Variants in LRRC8C observed in about 807,000 individuals in gnomAD.
LRRC8C encodes volume-regulated anion channel subunit LRRC8C.
LRRC8C carries 20 observed loss-of-function variants against 55.3 expected under a neutral mutation model. The ratio of observed to expected loss-of-function variants is 0.36; its 90% confidence interval spans 0.25 to 0.53. The LOEUF (loss-of-function observed/expected upper bound fraction) is 0.53. Among genes scored for constraint, LRRC8C ranks in the 20% least tolerant of loss-of-function variants. LRRC8C has a pLI of 0.92. For missense variants in LRRC8C, 659 were observed against 951.4 expected, an observed-to-expected ratio of 0.69 and a Z score of 4.04; for synonymous variants, 376 against 360.7, an observed-to-expected ratio of 1.04 and a Z score of -0.48.
intron 2 of LRRC8C, among the ~76,000 whole-genome samples, chr1:89,701,679 C>CATAA (rs1365923763): frequency 6.6e-6 from 1 of 152,028 alleles, no homozygotes; most frequent in African/African-American, 2.4e-5. Flanking sequence ...TTTGTCTCGA[C>CATAA]TAATTTTTGT....
At chr1:89,654,861 C>T (rs1216341652) in intron 1 of LRRC8C, among the ~76,000 whole-genome samples, 1 of 142,936 alleles carries the variant, frequency 7.0e-6, no homozygotes, top group Non-Finnish European at 1.5e-5. Context: ...TGTGTGCTAG[C>T]ACTTTAGTAA....
At chr1:89,676,507 C>T (rs1406910742) in intron 1 of LRRC8C, 1 of 152,142 alleles carries the variant, frequency 6.6e-6, no homozygotes, top group Non-Finnish European at 1.5e-5. Context: ...ATTGCAATGT[C>T]AGGGTCTATC....
chr1:89,628,688 G>A (rs976269663), upstream of LRRC8C, among the ~76,000 whole-genome samples: 6 of 152,208 alleles, frequency 3.9e-5, no homozygotes, highest in Admixed American at 1.3e-4. Flanking sequence ...TTGGCCTTTC[G>A]ATATAACATT....
chr1:89,708,735 C>CGAA (rs1658560525), intron 2 of LRRC8C: 1 of 152,162 alleles, frequency 6.6e-6, no homozygotes, highest in African/African-American at 2.4e-5. Flanking sequence ...GGGTAACTTC[C>CGAA]TCTCTCTTAT....
intron 1 of LRRC8C, among the ~76,000 whole-genome samples, chr1:89,651,357 A>G (rs1275808937): frequency 6.6e-6 from 1 of 152,160 alleles, no homozygotes; most frequent in Admixed American, 6.5e-5. Context: ...TCACGAGGTC[A>G]GGAGATCGAG....
At chr1:89,629,572 C>G (rs1164525768), upstream of LRRC8C, among the ~76,000 whole-genome samples, 1 of 152,086 alleles carries the variant, frequency 6.6e-6, no homozygotes, top group Non-Finnish European at 1.5e-5. Flanking sequence ...GGTTTTAGAG[C>G]CTGTAGTATA....
At chr1:89,654,874 C>CTTTTTTT (rs3068067) in intron 1 of LRRC8C, among the ~76,000 whole-genome samples, 2 of 129,342 alleles carry the variant, frequency 1.5e-5, no homozygotes, top group South Asian at 2.4e-4. Flanking sequence ...TTTAGTAAGC[C>CTTTTTTT]TTTTTTTTTT....
chr1:89,673,260 C>T (rs1319512939), intron 1 of LRRC8C, among the ~76,000 whole-genome samples: 1 of 152,188 alleles, frequency 6.6e-6, no homozygotes, highest in African/African-American at 2.4e-5. Context: ...CACCCGCAAT[C>T]CGCCTTTTTA....
chr1:89,627,169 G>A, the LRRC8C span, among the ~76,000 whole-genome samples: 13 of 151,790 alleles, frequency 8.6e-5, no homozygotes, highest in Non-Finnish European at 1.8e-4. Flanking sequence ...AGGAACTAAA[G>A]ACAAAACCCA....
Position 89,714,597 on chromosome 1 carries a change from C to G in LRRC8C, c.2027C>G (p.Pro676Arg). 6.2e-7 allele frequency: 1 copy of G among 1,614,024 alleles called. No individual in the cohort carries two copies. The highest frequency in any genetic ancestry group is 8.5e-7 in the Non-Finnish European group (1 of 1,179,930). The change falls in exon 3 of 3, where the codon CCT becomes CGT. Residue 676 changes from proline to arginine, a missense_variant. Around this residue, in one of 5 missense-constraint regions of LRRC8C, gnomAD observed 344 missense variants for 464.6 expected, o/e 0.74. Coordinates refer to ENST00000370454, the MANE Select transcript of LRRC8C (RefSeq NM_032270.5). The surrounding 1 kb of genome is among the most constrained non-coding windows in gnomAD (Gnocchi z 4.6). ...SFSHNKIEVL[P>R]SHLFLCNKIR... is the part of the protein sequence containing the mutation. ...AGTCACAATAAAATAGAGGTGCTGC[C>G]TTCCCACCTCTTCCTATGCAACAAG... is the stretch of plus-strand genomic sequence containing the variant.
At chr1:89,700,578 T>C (rs1658290930) in intron 2 of LRRC8C, among the ~76,000 whole-genome samples, 1 of 152,236 alleles carries the variant, frequency 6.6e-6, no homozygotes. Context: ...GATAGCCTGC[T>C]CTTATCTCTG....
chr1:89,689,077 T>G (rs980896487), intron 2 of LRRC8C, among the ~76,000 whole-genome samples: 5 of 152,094 alleles, frequency 3.3e-5, no homozygotes, highest in African/African-American at 1.2e-4. Context: ...TTGTGAAGAT[T>G]TTCCTAAAGG....
intron 2 of LRRC8C, among the ~76,000 whole-genome samples, chr1:89,695,335 A>G (rs953268516): frequency 1.1e-4 from 17 of 152,224 alleles, no homozygotes; most frequent in African/African-American, 4.1e-4. Context: ...AGGGTCAGCT[A>G]TCTTAAAATA....
chr1:89,708,519 T>C (rs1324217633), intron 2 of LRRC8C: 1 of 152,228 alleles, frequency 6.6e-6, no homozygotes, highest in Non-Finnish European at 1.5e-5. Flanking sequence ...AATTTCCTAA[T>C]TCTCACAGGC....
chr1:89,681,208 C>A (rs888328173), intron 1 of LRRC8C, among the ~76,000 whole-genome samples: 1 of 152,040 alleles, frequency 6.6e-6, no homozygotes, highest in Non-Finnish European at 1.5e-5. Context: ...GAAATGACAG[C>A]AGCAATGAAA....
Position 89,715,028 on chromosome 1 carries a change from CA to C in LRRC8C, c.*47del. ...GACTGAAACACGCTTCTACCAAATA[CA>C]GTATAAATAATTAGGTAGTCTTAAT... On this transcript the variant is annotated 3_prime_UTR_variant, in exon 3 of 3. Coordinates refer to ENST00000370454, the MANE Select transcript of LRRC8C (RefSeq NM_032270.5). 7.3e-7 allele frequency: 1 copy of C among 1,375,530 alleles called. No individual in the cohort carries two copies. Among genetic ancestry groups the C allele is most frequent in the East Asian group, 2.3e-5 (1 of 42,882 alleles). The allele number at this position is 1,375,530 out of a possible 1,614,324, so 85.2% of individuals were successfully genotyped here.
At chr1:89,664,374 C>G (rs1223580242) in intron 1 of LRRC8C, among the ~76,000 whole-genome samples, 2 of 152,142 alleles carry the variant, frequency 1.3e-5, no homozygotes, top group African/African-American at 2.4e-5. Flanking sequence ...AGCCAGTTTT[C>G]CCAACATCAT....
chr1:89,643,957 T>G (rs559583944), intron 1 of LRRC8C, among the ~76,000 whole-genome samples: 4 of 152,342 alleles, frequency 2.6e-5, no homozygotes, highest in Admixed American at 1.3e-4. Flanking sequence ...AGTTACAATT[T>G]CTTTGTTTCA....
chr1:89,637,018 T>G (rs1197719150), intron 1 of LRRC8C, among the ~76,000 whole-genome samples: 1 of 152,176 alleles, frequency 6.6e-6, no homozygotes, highest in Non-Finnish European at 1.5e-5. Context: ...ACACCCAAAT[T>G]GTTGGTGGCA....
Sources: gnomAD v4.1 joint callset for allele counts (sites outside exome capture counted in the v4.1 genomes callset) on GRCh38, gnomAD v4.1.1 for gene constraint, gnomAD v4.1.1 regional missense constraint, Gnocchi (gnomAD v3.1) non-coding constraint, MANE v1.5 for transcripts, NCBI Gene and HGNC (gene_info 2026-07-23, HGNC 2026-07-21) for gene names.